Variants in INPP4B observed in about 807,000 individuals in gnomAD.
INPP4B encodes the protein inositol polyphosphate-4-phosphatase type II B.
Under a neutral mutation model 122.5 loss-of-function variants are expected in INPP4B, and 55 were observed. The observed-to-expected ratio is 0.45, with a 90% confidence interval of 0.36 to 0.56. INPP4B has a LOEUF of 0.56. Among genes scored for constraint, INPP4B ranks in the 20% least tolerant of loss-of-function variants. INPP4B has a pLI of 0.00. For missense variants in INPP4B, 1,000 were observed against 1,097.7 expected, an observed-to-expected ratio of 0.91 and a Z score of 1.26; for synonymous variants, 403 against 388.7, an observed-to-expected ratio of 1.04 and a Z score of -0.43.
chr4:142,443,622 G>A (rs1011033949), intron 3 of INPP4B, among the ~76,000 whole-genome samples: 3 of 151,938 alleles, frequency 2.0e-5, no homozygotes, highest in Non-Finnish European at 2.9e-5. Flanking sequence ...CTCTGCCCCC[G>A]CCACCAGGCT....
intron 1 of INPP4B, among the ~76,000 whole-genome samples, chr4:142,768,340 G>T: frequency 6.6e-6 from 1 of 152,152 alleles, no homozygotes; most frequent in East Asian, 1.9e-4. Flanking sequence ...AGAAGCATTT[G>T]TCAGTCAAAG....
chr4:142,505,490 CA>C (rs1725334561), intron 2 of INPP4B, among the ~76,000 whole-genome samples: 1 of 152,022 alleles, frequency 6.6e-6, no homozygotes, highest in East Asian at 1.9e-4. Flanking sequence ...GTAAGACTCC[CA>C]ATGCATTTTT....
rs573561187 is a variant in INPP4B, at chr4:142,071,367, TAAAACCATA to T, written c.2642+10655_2642+10663del. On this transcript the variant is annotated intron_variant, in intron 25 of 25. Transcript: ENST00000262992. Reference sequence around the variant, plus strand: ...GGATTAAAGACTTAAACATTAGACCTAAAACCATAAAAACCCTAGAAGAAAACCTAGGCA... The same window carrying T: ...GGATTAAAGACTTAAACATTAGACCTAAAACCCTAGAAGAAAACCTAGGCA... 1.9e-3 allele frequency among the ~76,000 whole-genome samples: 283 copies of T among 152,220 alleles called. 2 individuals carry two copies. In the South Asian group the frequency reaches 0.024, roughly 13 times the overall value.
At chr4:142,264,953 CCTCTCTCTTT>C (rs1192680047) in intron 10 of INPP4B, among the ~76,000 whole-genome samples, 1 of 151,232 alleles carries the variant, frequency 6.6e-6, no homozygotes, top group African/African-American at 2.4e-5. Flanking sequence ...TTTCTCCTTT[CCTCTCTCTTT>C]CTCTCTCTCT....
chr4:142,644,308 G>C (rs983557657), intron 2 of INPP4B, among the ~76,000 whole-genome samples: 1 of 150,872 alleles, frequency 6.6e-6, no homozygotes, highest in Non-Finnish European at 1.5e-5. Flanking sequence ...AGGAGGAGAA[G>C]GAGGAGGAGG....
intron 9 of INPP4B, among the ~76,000 whole-genome samples, chr4:142,292,334 TA>T (rs2150985647): frequency 6.6e-6 from 1 of 152,290 alleles, no homozygotes; most frequent in South Asian, 2.1e-4. Context: ...GAAAGTGCTT[TA>T]AAAACTGTAT....
intron 24 of INPP4B, 24 bp downstream of exon 24, chr4:142,086,120 A>C (rs2152545295): frequency 7.2e-7 from 1 of 1,387,140 alleles, no homozygotes. Context: ...GGCAGGAAAT[A>C]AGATTTGACA....
chr4:142,472,191 G>A (rs554083740), intron 2 of INPP4B, among the ~76,000 whole-genome samples: 3 of 151,326 alleles, frequency 2.0e-5, no homozygotes, highest in Admixed American at 2.0e-4. Flanking sequence ...TTAGTAAAGA[G>A]AAAATAATAC....
intron 17 of INPP4B, among the ~76,000 whole-genome samples, chr4:142,151,391 A>G (rs552287855): frequency 6.6e-6 from 1 of 152,064 alleles, no homozygotes; most frequent in African/African-American, 2.4e-5. Flanking sequence ...TTTGCTTCCT[A>G]TTGGTCCTCC....
At chr4:142,668,102 TC>T (rs1756422268) in intron 2 of INPP4B, among the ~76,000 whole-genome samples, 2 of 152,252 alleles carry the variant, frequency 1.3e-5, no homozygotes, top group South Asian at 4.1e-4. Context: ...AGGCCAATAT[TC>T]CTGATTAACA....
At chr4:142,690,448 C>A (rs1256689794) in intron 2 of INPP4B, among the ~76,000 whole-genome samples, 1 of 130,588 alleles carries the variant, frequency 7.7e-6, no homozygotes, top group Non-Finnish European at 1.7e-5. Context: ...AATTTCCCAC[C>A]CTCTTCAGTG....
chr4:142,642,450 T>G (rs1304150480), intron 2 of INPP4B, among the ~76,000 whole-genome samples: 2 of 152,160 alleles, frequency 1.3e-5, no homozygotes, highest in East Asian at 3.8e-4. Context: ...TTGTATAAGG[T>G]ATAAGGAAGG....
At chr4:142,806,808 A>T (rs1778887280) in intron 1 of INPP4B, among the ~76,000 whole-genome samples, 1 of 147,688 alleles carries the variant, frequency 6.8e-6, no homozygotes, top group Admixed American at 6.8e-5. Context: ...AGAAAGAAAG[A>T]AAGAAAGAAA....
chr4:142,177,147 CT>C (rs1283633303), intron 15 of INPP4B, among the ~76,000 whole-genome samples: 1 of 152,100 alleles, frequency 6.6e-6, no homozygotes, highest in Non-Finnish European at 1.5e-5. Flanking sequence ...ATCGGTTGTT[CT>C]GATGAAGTCT....
At chr4:142,033,187 A>C (rs1052744965) in intron 25 of INPP4B, among the ~76,000 whole-genome samples, 1 of 152,192 alleles carries the variant, frequency 6.6e-6, no homozygotes, top group East Asian at 1.9e-4. Flanking sequence ...TGTTAACCTG[A>C]CCAATTCAGC....
rs577311490 is a variant in INPP4B, at chr4:142,780,987, G to A, written c.-253-55086C>T. On this transcript the variant is annotated intron_variant, in intron 1 of 25. Transcript: ENST00000262992. Reference sequence around the variant, plus strand: ...TCATTTATCTCAAGACCTTAGACGCGTTAGAGAAATCAATCTCATAATACT... The same window carrying A: ...TCATTTATCTCAAGACCTTAGACGCATTAGAGAAATCAATCTCATAATACT... Among the ~76,000 whole-genome samples, 552 of 152,186 alleles carry A rather than the reference G, an allele frequency of 3.6e-3. 2 individuals carry two copies. The highest frequency in any genetic ancestry group is 6.3e-3 in the Non-Finnish European group (427 of 68,006).
intron 2 of INPP4B, among the ~76,000 whole-genome samples, chr4:142,468,666 T>C (rs1208206197): frequency 6.6e-6 from 1 of 152,150 alleles, no homozygotes; most frequent in Non-Finnish European, 1.5e-5. Context: ...TTGCTTCCTC[T>C]CTTGCCCTGT....
At chr4:142,718,940 G>GC (rs1206862453) in intron 2 of INPP4B, among the ~76,000 whole-genome samples, 1 of 152,086 alleles carries the variant, frequency 6.6e-6, no homozygotes, top group African/African-American at 2.4e-5. Flanking sequence ...AGCTCAGTTA[G>GC]CCCCACCTCA....
intron 1 of INPP4B, among the ~76,000 whole-genome samples, chr4:142,782,213 A>G (rs1774961987): frequency 1.3e-5 from 2 of 151,490 alleles, no homozygotes; most frequent in East Asian, 3.9e-4. Flanking sequence ...ATTCCCACCT[A>G]TGAGTGAGAA....
Sources: allele counts gnomAD v4.1 joint callset (sites outside exome capture counted in the v4.1 genomes callset), GRCh38; gene constraint gnomAD v4.1.1; transcripts MANE v1.5; gene names NCBI Gene and HGNC (gene_info 2026-07-23, HGNC 2026-07-21).